Variants in PACRG observed in about 807,000 individuals in gnomAD.
The protein encoded by PACRG is parkin coregulated.
PACRG carries 29 observed loss-of-function variants against 29.7 expected under a neutral mutation model. The observed-to-expected ratio is 0.98, with a 90% CI of 0.73 to 1.33. The LOEUF is 1.33. Among genes scored for constraint, PACRG ranks in the 40% most tolerant of loss-of-function variants. The pLI is 0.00. For synonymous variants in PACRG, 116 were observed against 118.7 expected, an observed-to-expected ratio of 0.98 and a Z score of 0.15; for missense variants, 279 against 316.2, an observed-to-expected ratio of 0.88 and a Z score of 0.89.
At chr6:163,269,939 G>GAAAGAAAGAAAGAAAGAAAAC (rs1783730114) in intron 4 of PACRG, among the ~76,000 whole-genome samples, 1 of 20,002 alleles carries the variant, frequency 5.0e-5, no homozygotes, top group Non-Finnish European at 9.7e-5. Context: ...AACAAAGAAA[G>GAAAGAAAGAAAGAAAGAAAAC]AAAGAAAGAA....
At chr6:163,205,015 G>A (rs1297035462) in intron 4 of PACRG, among the ~76,000 whole-genome samples, 1 of 152,174 alleles carries the variant, frequency 6.6e-6, no homozygotes, top group East Asian at 1.9e-4. Flanking sequence ...AACCATGGAG[G>A]TGAAAGATCT....
chr6:162,750,209 T>G (rs1316186222), intron 1 of PACRG, among the ~76,000 whole-genome samples: 1 of 152,220 alleles, frequency 6.6e-6, no homozygotes, highest in Non-Finnish European at 1.5e-5. Flanking sequence ...TAAGAAACCA[T>G]AAATTTTATT....
At position 163,007,566 on chromosome 6, in the gene PACRG, G is replaced by A. The variant is rs144145294; in HGVS notation, c.292-54584G>A. Among the ~76,000 whole-genome samples the A allele has an allele frequency of 3.1e-3, 475 of 152,210 alleles. 1 individual carries two copies. The highest frequency in any genetic ancestry group is 3.3e-3 in the Non-Finnish European group (223 of 68,012). On this transcript the variant is annotated intron_variant, in intron 2 of 4. Coordinates refer to ENST00000366888, the MANE Select transcript of PACRG (RefSeq NM_001080379.2). ...TTGGGAGACCACTGGACTCTGCTGG[G>A]ATCCCCTTTTTGCTATACTGACTGC...
chr6:163,295,268 C>A (rs1006847994), intron 4 of PACRG, among the ~76,000 whole-genome samples: 1 of 152,116 alleles, frequency 6.6e-6, no homozygotes, highest in Non-Finnish European at 1.5e-5. Context: ...AAAAATGACA[C>A]GGACCAAAAA....
At chr6:163,082,015 C>G (rs76179139) in intron 3 of PACRG, among the ~76,000 whole-genome samples, 2,191 of 152,152 alleles carry the variant, frequency 0.014, 46 homozygotes, top group African/African-American at 0.051. Context: ...ACTTAATTCA[C>G]TCAAAAACAA....
At chr6:162,906,079 C>T (rs772536181) in intron 2 of PACRG, among the ~76,000 whole-genome samples, 5 of 152,138 alleles carry the variant, frequency 3.3e-5, no homozygotes, top group Admixed American at 1.3e-4. Flanking sequence ...ATTCCAACTG[C>T]GGCAAGGTTT....
At chr6:163,178,860 C>T (rs886399308) in intron 4 of PACRG, among the ~76,000 whole-genome samples, 1 of 152,156 alleles carries the variant, frequency 6.6e-6, no homozygotes, top group Non-Finnish European at 1.5e-5. Flanking sequence ...TTCAGTCTCT[C>T]TGGTGTATTT....
intron 4 of PACRG, among the ~76,000 whole-genome samples, chr6:163,101,681 T>G (rs1815095182): frequency 1.3e-5 from 2 of 152,130 alleles, no homozygotes; most frequent in Admixed American, 1.3e-4. Context: ...AAAAACCTGC[T>G]TAAAAAACAA....
chr6:163,303,182 T>G (rs1189133972), intron 4 of PACRG, among the ~76,000 whole-genome samples: 1 of 151,880 alleles, frequency 6.6e-6, no homozygotes, highest in Non-Finnish European at 1.5e-5. Flanking sequence ...ATAAAAAAAT[T>G]AACCAGGCGT....
At chr6:162,797,099 A>AC (rs1020102904) in intron 1 of PACRG, among the ~76,000 whole-genome samples, 5 of 151,908 alleles carry the variant, frequency 3.3e-5, no homozygotes, top group East Asian at 1.9e-4. Flanking sequence ...CAACATGGCG[A>AC]CCCCCCGTCT....
intron 1 of PACRG, among the ~76,000 whole-genome samples, chr6:162,800,999 C>G (rs1284613906): frequency 6.6e-6 from 1 of 152,194 alleles, no homozygotes; most frequent in Non-Finnish European, 1.5e-5. Flanking sequence ...TTCTGAACTG[C>G]CTGCGTCTTC....
At chr6:163,249,872 G>A (rs1450317295) in intron 4 of PACRG, among the ~76,000 whole-genome samples, 1 of 152,182 alleles carries the variant, frequency 6.6e-6, no homozygotes, top group Non-Finnish European at 1.5e-5. Context: ...CAACATGGAT[G>A]CTCCTTTGTT....
intron 2 of PACRG, among the ~76,000 whole-genome samples, chr6:162,835,545 G>T (rs1789147984): frequency 6.6e-6 from 1 of 152,026 alleles, no homozygotes; most frequent in Non-Finnish European, 1.5e-5. Context: ...CAATTTTTTA[G>T]CCATAAATGC....
At chr6:163,233,301 T>C (rs1438282390) in intron 4 of PACRG, among the ~76,000 whole-genome samples, 1 of 152,194 alleles carries the variant, frequency 6.6e-6, no homozygotes, top group Non-Finnish European at 1.5e-5. Context: ...CTGAACTGAT[T>C]GATGAACAAA....
chr6:162,985,488 T>A (rs982558640), intron 2 of PACRG, among the ~76,000 whole-genome samples: 35 of 152,114 alleles, frequency 2.3e-4, no homozygotes, highest in African/African-American at 8.2e-4. Context: ...AGAAAAAGCT[T>A]TTTGACAAAA....
chr6:162,811,918 G>A (rs1197843160), intron 1 of PACRG, among the ~76,000 whole-genome samples: 1 of 152,136 alleles, frequency 6.6e-6, no homozygotes, highest in African/African-American at 2.4e-5. Context: ...AGATTTTGGA[G>A]CTTTTCAGAT....
intron 4 of PACRG, among the ~76,000 whole-genome samples, chr6:163,203,903 G>A (rs781588015): frequency 1.3e-5 from 2 of 152,112 alleles, no homozygotes; most frequent in Non-Finnish European, 2.9e-5. Context: ...ATCATATTGG[G>A]GTATAGTTGT....
intron 2 of PACRG, among the ~76,000 whole-genome samples, chr6:162,882,540 A>G (rs900889217): frequency 3.3e-5 from 5 of 152,176 alleles, no homozygotes; most frequent in African/African-American, 7.2e-5. Context: ...TGGGAAAATT[A>G]TAAGAGGAAG....
chr6:163,102,821 CT>C (rs75986657), intron 4 of PACRG, among the ~76,000 whole-genome samples: 65,028 of 152,088 alleles, frequency 0.43, 14,241 homozygotes, highest in African/African-American at 0.53. Flanking sequence ...TTGTTCTAAT[CT>C]TAATAGTCCT....
Sources: gnomAD v4.1 joint callset for allele counts (sites outside exome capture counted in the v4.1 genomes callset) on GRCh38, gnomAD v4.1.1 for gene constraint, MANE v1.5 for transcripts, NCBI Gene and HGNC (gene_info 2026-07-23, HGNC 2026-07-21) for gene names.